Variants in RAP1B observed in about 807,000 individuals in gnomAD.
RAP1B encodes ras-related protein Rap-1b.
RAP1B carries 1 observed loss-of-function variant against 27.5 expected under a neutral mutation model. The ratio of observed to expected loss-of-function variants is 0.04; its 90% CI spans 0.01 to 0.17. The LOEUF is 0.17. Among genes scored for constraint, RAP1B ranks in the 10% least tolerant of loss-of-function variants. The pLI is 1.00. For synonymous variants in RAP1B, 75 were observed against 73.1 expected, an observed-to-expected ratio of 1.03 and a Z score of -0.13; for missense variants, 84 against 214.8, an observed-to-expected ratio of 0.39 and a Z score of 3.81.
intron 2 of RAP1B, 68 bp from the exon 3 acceptor site, chr12:68,650,332 C>A: frequency 3.0e-6 from 4 of 1,318,890 alleles, no homozygotes; most frequent in Non-Finnish European, 2.0e-6. Flanking sequence ...ACTCAGTTTA[C>A]AATTACATTA....
Position 68,661,421 on chromosome 12 carries a change from T to C in RAP1B, c.*2172T>C, listed in dbSNP as rs1016282904. The C allele has an allele frequency of 2.0e-5, 3 of 152,126 alleles. No homozygotes were observed. Among genetic ancestry groups the C allele is most frequent in the Non-Finnish European group, 4.4e-5 (3 of 68,034 alleles). The allele number at this position is 152,126 out of a possible 1,614,324, so 9.4% of individuals were successfully genotyped here. On this transcript the variant is annotated 3_prime_UTR_variant, in exon 8 of 8. Transcript: ENST00000250559. Reference sequence around the variant, plus strand: ...GCTCAAACAGCTAAATATTCATTCATTGGACAAATTAAGTACTTAAGTATA... The same window carrying C: ...GCTCAAACAGCTAAATATTCATTCACTGGACAAATTAAGTACTTAAGTATA...
At chr12:68,639,957 C>T (rs775084271) in intron 1 of RAP1B, among the ~76,000 whole-genome samples, 18 of 152,008 alleles carry the variant, frequency 1.2e-4, no homozygotes, top group Non-Finnish European at 2.6e-4. Flanking sequence ...TCTCCTGCCT[C>T]AGCCTCCTGA....
In RAP1B at chr12:68,671,792, G is replaced by A. The variant is rs891677712; in HGVS notation, c.*12543G>A. On this transcript the variant is annotated 3_prime_UTR_variant, in exon 8 of 8. Coordinates refer to ENST00000250559, the MANE Select transcript of RAP1B (RefSeq NM_001010942.3). ...AGTAACAAGTAAATAACATTTTCTG[G>A]AATATAAAAAAAAAAGCTATATGAA... is the stretch of plus-strand genomic sequence containing the variant. 4 of 150,932 alleles carry A rather than the reference G, an allele frequency of 2.7e-5. No homozygotes were observed. Among genetic ancestry groups the A allele is most frequent in the African/African-American group, 9.7e-5 (4 of 41,050 alleles). The allele number at this position is 150,932 out of a possible 1,614,324, so 9.3% of individuals were successfully genotyped here.
At chr12:68,633,047 A>G (rs139226625) in intron 1 of RAP1B, among the ~76,000 whole-genome samples, 61 of 152,332 alleles carry the variant, frequency 4.0e-4, no homozygotes, top group African/African-American at 1.2e-3. Context: ...TGAGAAGCTC[A>G]CTAAGTTAGA....
At chr12:68,653,256 T>G (rs1284689397) in intron 4 of RAP1B, among the ~76,000 whole-genome samples, 1 of 152,038 alleles carries the variant, frequency 6.6e-6, no homozygotes, top group Admixed American at 6.6e-5. Flanking sequence ...CTTCAACGTA[T>G]TTATAGACAA....
intron 5 of RAP1B, 99 bp downstream of exon 5, chr12:68,654,351 T>TGG (rs112638624): frequency 0.043 from 7,091 of 165,174 alleles, 274 homozygotes; most frequent in African/African-American, 0.076. Context: ...GTATTTTGGT[T>TGG]GGGGGGGGGG....
chr12:68,633,627 T>C (rs1406842244), intron 1 of RAP1B, among the ~76,000 whole-genome samples: 4 of 152,160 alleles, frequency 2.6e-5, no homozygotes, highest in African/African-American at 7.2e-5. Context: ...TCCCAGCACT[T>C]TGGGAGGCCG....
At chr12:68,639,556 A>G (rs1386809447) in intron 1 of RAP1B, among the ~76,000 whole-genome samples, 2 of 152,230 alleles carry the variant, frequency 1.3e-5, no homozygotes, top group African/African-American at 4.8e-5. Flanking sequence ...TTTCCTTGAC[A>G]CTAACCTCCT....
At chr12:68,654,307 T>C (rs1034926721) in intron 5 of RAP1B, 55 bp downstream of exon 5, 1 of 1,065,258 alleles carries the variant, frequency 9.4e-7, no homozygotes, top group Non-Finnish European at 1.2e-6. Context: ...TTATAATTGT[T>C]TAAGTCTAAA....
In RAP1B at chr12:68,661,446, A is replaced by G. The variant is rs1874588248; in HGVS notation, c.*2197A>G. 6.6e-6 allele frequency: 1 copy of G among 152,158 alleles called. No homozygotes were observed. Among genetic ancestry groups the G allele is most frequent in the Non-Finnish European group, 1.5e-5 (1 of 68,038 alleles). 9.4% of individuals were successfully genotyped at this position (152,158 alleles called of 1,614,324 possible). A position where few individuals can be genotyped will look rare whatever the true frequency, so the allele number is the denominator to read the frequency against. The stretch of plus-strand genomic sequence containing the variant: ...TTGGACAAATTAAGTACTTAAGTAT[A>G]AAAATTGTTCTAGGCCTAAGGATGT... On this transcript the variant is annotated 3_prime_UTR_variant, in exon 8 of 8. Coordinates refer to ENST00000250559, the MANE Select transcript of RAP1B (RefSeq NM_001010942.3).
At chr12:68,624,333 G>A (rs911177013) in intron 1 of RAP1B, among the ~76,000 whole-genome samples, 3 of 151,992 alleles carry the variant, frequency 2.0e-5, no homozygotes, top group Admixed American at 1.3e-4. Flanking sequence ...AATATTGAGA[G>A]CTCATAACTA....
At chr12:68,616,875 C>G (rs1871065180) in intron 1 of RAP1B, among the ~76,000 whole-genome samples, 1 of 152,160 alleles carries the variant, frequency 6.6e-6, no homozygotes, top group African/African-American at 2.4e-5. Context: ...CAGCATTTCA[C>G]TAAGTAACTT....
intron 1 of RAP1B, among the ~76,000 whole-genome samples, chr12:68,639,140 T>A (rs1016699342): frequency 6.6e-6 from 1 of 152,194 alleles, no homozygotes; most frequent in Admixed American, 6.5e-5. Flanking sequence ...GTTTATACAA[T>A]ATTCATAATT....
chr12:68,651,859 A>G, intron 3 of RAP1B, 136 bp from the exon 4 acceptor site: 1 of 603,996 alleles, frequency 1.7e-6, no homozygotes, highest in Non-Finnish European at 2.9e-6. Context: ...TGCTTTGTTG[A>G]AGTATTGCTG....
chr12:68,629,807 A>G (rs551723801), intron 1 of RAP1B, among the ~76,000 whole-genome samples: 30 of 152,342 alleles, frequency 2.0e-4, no homozygotes, highest in African/African-American at 6.7e-4. Context: ...GTTTTGGTAG[A>G]CAGACTTCAG....
intron 1 of RAP1B, 82 bp from the exon 2 acceptor site, chr12:68,648,617 T>G: frequency 9.0e-7 from 1 of 1,109,306 alleles, no homozygotes; most frequent in South Asian, 1.4e-5. Context: ...TAAATCTATT[T>G]TCCTGAATGT....
chr12:68,643,419 A>G (rs1873165719), intron 1 of RAP1B, among the ~76,000 whole-genome samples: 1 of 152,204 alleles, frequency 6.6e-6, no homozygotes, highest in African/African-American at 2.4e-5. Flanking sequence ...TAAGATAGGT[A>G]TTTAAAATGT....
intron 1 of RAP1B, among the ~76,000 whole-genome samples, chr12:68,632,160 T>TTTTTTTTTTTTTTTC (rs150063055): frequency 6.9e-6 from 1 of 144,724 alleles, no homozygotes. Context: ...GTTTTTTTTT[T>TTTTTTTTTTTTTTTC]CCAGACTGTT....
intron 1 of RAP1B, among the ~76,000 whole-genome samples, chr12:68,630,766 C>G (rs1872177291): frequency 6.6e-6 from 1 of 151,998 alleles, no homozygotes; most frequent in South Asian, 2.1e-4. Context: ...CAACCTCAAC[C>G]TCCCCAGGCT....
Sources: gnomAD v4.1 joint callset for allele counts (sites outside exome capture counted in the v4.1 genomes callset) on GRCh38, gnomAD v4.1.1 for gene constraint, MANE v1.5 for transcripts, NCBI Gene and HGNC (gene_info 2026-07-23, HGNC 2026-07-21) for gene names.